The following KCNT2 variants were observed in gnomAD, a reference collection of about 807,000 sequenced individuals.
KCNT2 encodes the protein potassium sodium-activated channel subfamily T member 2.
In KCNT2, 67 loss-of-function variants were observed where a neutral mutation model predicts 153.8. The ratio of observed to expected loss-of-function variants is 0.44; its 90% confidence interval spans 0.36 to 0.53. KCNT2 has a LOEUF of 0.53. Among genes scored for constraint, KCNT2 ranks in the 20% least tolerant of loss-of-function variants. KCNT2 has a pLI of 0.00. For missense variants in KCNT2, 975 were observed against 1,354.8 expected, an observed-to-expected ratio of 0.72 and a Z score of 4.40; for synonymous variants, 500 against 458.8, an observed-to-expected ratio of 1.09 and a Z score of -1.15.
chr1:196,358,265 CTT>C (rs1265321571), intron 14 of KCNT2, among the ~76,000 whole-genome samples: 1 of 151,638 alleles, frequency 6.6e-6, no homozygotes, highest in Non-Finnish European at 1.5e-5. Flanking sequence ...AGCAATCACT[CTT>C]TTAATTTCAA....
At chr1:196,590,272 A>G (rs1261726681) in intron 1 of KCNT2, among the ~76,000 whole-genome samples, 1 of 152,206 alleles carries the variant, frequency 6.6e-6, no homozygotes, top group African/African-American at 2.4e-5. Context: ...GGCATTTAAA[A>G]TATGCCAAAT....
intron 12 of KCNT2, among the ~76,000 whole-genome samples, chr1:196,399,039 G>A (rs1671189816): frequency 6.6e-6 from 1 of 151,144 alleles, no homozygotes; most frequent in Non-Finnish European, 1.5e-5. Context: ...ATAATAACAT[G>A]CTTAGAAAAT....
At chr1:196,349,451 T>C (rs931619015) in intron 14 of KCNT2, among the ~76,000 whole-genome samples, 2 of 152,126 alleles carry the variant, frequency 1.3e-5, no homozygotes, top group Non-Finnish European at 2.9e-5. Context: ...ACTGCCATCA[T>C]TGTTTTCTAT....
At chr1:196,453,291 G>A (rs900614255) in intron 8 of KCNT2, among the ~76,000 whole-genome samples, 3 of 151,740 alleles carry the variant, frequency 2.0e-5, no homozygotes, top group Non-Finnish European at 2.9e-5. Flanking sequence ...TACGGCACTT[G>A]AGGACTTTGG....
At chr1:196,452,781 A>C (rs1045224556) in intron 8 of KCNT2, among the ~76,000 whole-genome samples, 1 of 151,930 alleles carries the variant, frequency 6.6e-6, no homozygotes, top group Non-Finnish European at 1.5e-5. Context: ...TGAGAGACCC[A>C]GGGAAAGCCA....
At chr1:196,591,619 A>C (rs1186360171) in intron 1 of KCNT2, among the ~76,000 whole-genome samples, 1 of 152,174 alleles carries the variant, frequency 6.6e-6, no homozygotes, top group Non-Finnish European at 1.5e-5. Flanking sequence ...TCATAGTACA[A>C]TCCTTTGTAC....
In KCNT2 at chr1:196,273,387, T is replaced by A. The variant is rs553355510; in HGVS notation, c.2910+7473A>T. The A allele has an allele frequency of 3.6e-4, 316 of 876,112 alleles. 3 individuals carry two copies. The East Asian group carries it at 8.5e-3, about 24-fold the overall frequency. 54.3% of individuals were successfully genotyped at this position (876,112 alleles called of 1,614,324 possible). A position where few individuals can be genotyped will look rare whatever the true frequency, so the allele number is the denominator to read the frequency against. On this transcript the variant is annotated intron_variant, in intron 25 of 27. Coordinates refer to ENST00000294725, the MANE Select transcript of KCNT2 (RefSeq NM_198503.5). ...TAATGTCTGAGTATTAAATTCAATA[T>A]TTAATATTATTTTTCTTTAATAGCT...
In KCNT2 at chr1:196,326,713, T is replaced by G; in HGVS notation, c.2276+4A>C. On this transcript the variant is annotated splice_donor_region_variant and intron_variant, in intron 19 of 27. Coordinates refer to ENST00000294725, the MANE Select transcript of KCNT2 (RefSeq NM_198503.5). ...CTTGTTTGTGTATCTTAAAATATAC[T>G]TACGGGTTATCCAATAGCAGTACTA... 1 of 1,490,018 alleles carries G rather than the reference T, an allele frequency of 6.7e-7. No individual in the cohort carries two copies. Among genetic ancestry groups the G allele is most frequent in the Non-Finnish European group, 8.9e-7 (1 of 1,118,560 alleles). 92.3% of individuals were successfully genotyped at this position (1,490,018 alleles called of 1,614,324 possible).
chr1:196,337,968 C>A (rs1665200533), intron 16 of KCNT2, among the ~76,000 whole-genome samples: 1 of 152,064 alleles, frequency 6.6e-6, no homozygotes, highest in Non-Finnish European at 1.5e-5. Context: ...CAAACACTTA[C>A]ACGAGAGTTC....
chr1:196,429,539 C>T (rs568061791), intron 9 of KCNT2, 38 bp downstream of exon 9: 2 of 1,391,450 alleles, frequency 1.4e-6, no homozygotes, highest in African/African-American at 1.4e-5. Context: ...TTTCATGTCT[C>T]TGTACATTTC....
intron 23 of KCNT2, 112 bp downstream of exon 23, chr1:196,285,545 G>A (rs1361420832): frequency 1.7e-6 from 1 of 588,478 alleles, no homozygotes. Flanking sequence ...TACTTTTGGA[G>A]CCAATTTTAA....
At chr1:196,330,350 T>A (rs2148095272) in intron 18 of KCNT2, among the ~76,000 whole-genome samples, 1 of 152,066 alleles carries the variant, frequency 6.6e-6, no homozygotes, top group Non-Finnish European at 1.5e-5. Context: ...CATATTAAAA[T>A]AATATCCACT....
chr1:196,553,017 C>G (rs557509994), intron 1 of KCNT2, among the ~76,000 whole-genome samples: 41 of 150,662 alleles, frequency 2.7e-4, no homozygotes, highest in Non-Finnish European at 5.2e-4. Context: ...GAAAAGAACA[C>G]AAAACAACCA....
intron 4 of KCNT2, among the ~76,000 whole-genome samples, chr1:196,480,621 C>T (rs530958151): frequency 1.3e-4 from 20 of 151,700 alleles, no homozygotes; most frequent in Non-Finnish European, 2.6e-4. Flanking sequence ...TTTGGGAGGC[C>T]GAGGTGGGCG....
chr1:196,325,503 A>G (rs1572042868), intron 19 of KCNT2, among the ~76,000 whole-genome samples: 5 of 152,268 alleles, frequency 3.3e-5, no homozygotes, highest in Middle Eastern at 6.8e-3. Flanking sequence ...GCTTCCTAGC[A>G]GAGATGCTTC....
chr1:196,239,727 T>C (rs913614670), intron 26 of KCNT2, among the ~76,000 whole-genome samples: 1 of 151,970 alleles, frequency 6.6e-6, no homozygotes, highest in Non-Finnish European at 1.5e-5. Context: ...TTAAATAATA[T>C]TTCTGTTATA....
At chr1:196,384,259 A>G (rs985618766) in intron 13 of KCNT2, among the ~76,000 whole-genome samples, 1 of 152,200 alleles carries the variant, frequency 6.6e-6, no homozygotes, top group Non-Finnish European at 1.5e-5. Context: ...ATAAATCCTC[A>G]TAACAAGTAA....
intron 8 of KCNT2, among the ~76,000 whole-genome samples, chr1:196,430,109 C>A (rs1395519824): frequency 6.6e-6 from 1 of 150,420 alleles, no homozygotes; most frequent in African/African-American, 2.5e-5. Flanking sequence ...CAAGTCTTTT[C>A]TTTTTCTTTT....
At chr1:196,558,198 C>T (rs1658925851) in intron 1 of KCNT2, among the ~76,000 whole-genome samples, 1 of 151,254 alleles carries the variant, frequency 6.6e-6, no homozygotes, top group Admixed American at 6.6e-5. Flanking sequence ...GTAGAGGCAG[C>T]TTATACACTG....
Sources: allele counts gnomAD v4.1 joint callset (sites outside exome capture counted in the v4.1 genomes callset), GRCh38; gene constraint gnomAD v4.1.1; transcripts MANE v1.5; gene names NCBI Gene and HGNC (gene_info 2026-07-23, HGNC 2026-07-21).